The following PXDNL variants were observed in gnomAD, a reference collection of about 807,000 sequenced individuals.
The protein encoded by PXDNL is peroxidasin like.
Under a neutral mutation model 150.8 loss-of-function variants are expected in PXDNL, and 145 were observed. The ratio of observed to expected loss-of-function variants is 0.96; its 90% confidence interval spans 0.84 to 1.10. The LOEUF is 1.10. Among genes scored for constraint, PXDNL ranks in the 50% least tolerant of loss-of-function variants. The pLI is 0.00. For missense variants in PXDNL, 2,087 were observed against 1,873.9 expected (o/e 1.11, Z -2.10); for synonymous variants, 757 against 725.7 (o/e 1.04, Z -0.69).
chr8:51,582,575 T>A (rs1813231706), intron 3 of PXDNL, among the ~76,000 whole-genome samples: 1 of 152,146 alleles, frequency 6.6e-6, no homozygotes, highest in South Asian at 2.1e-4. Context: ...TTATAAGAAA[T>A]CCTACATTAC....
Position 51,721,531 on chromosome 8 carries a change from A to T in PXDNL, c.165-66771T>A, listed in dbSNP as rs545638380. ...AGTTGACTCAATTCTATACCTAATG[A>T]TAAATGACGAGTTAATGGGTGCAGC... is the stretch of plus-strand genomic sequence containing the variant. On this transcript the variant is annotated intron_variant, in intron 1 of 22. Coordinates refer to ENST00000356297, the MANE Select transcript of PXDNL (RefSeq NM_144651.5). 1.2e-3 allele frequency: 213 copies of T among 171,330 alleles called. 1 individual carries two copies. Among genetic ancestry groups the T allele is most frequent in the African/African-American group, 4.9e-3 (204 of 42,014 alleles). 10.6% of individuals were successfully genotyped at this position (171,330 alleles called of 1,614,324 possible).
At chr8:51,454,701 A>G (rs537737514) in intron 9 of PXDNL, among the ~76,000 whole-genome samples, 1 of 152,318 alleles carries the variant, frequency 6.6e-6, no homozygotes, top group South Asian at 2.1e-4. Flanking sequence ...GAAATAAATT[A>G]AATTAATCCA....
intron 20 of PXDNL, among the ~76,000 whole-genome samples, chr8:51,343,491 G>A (rs1255930840): frequency 1.3e-5 from 2 of 152,204 alleles, no homozygotes; most frequent in African/African-American, 2.4e-5. Flanking sequence ...AAGATTGGCA[G>A]GAGGCTAAAA....
At chr8:51,608,110 C>T (rs1036250850) in intron 2 of PXDNL, among the ~76,000 whole-genome samples, 1 of 144,926 alleles carries the variant, frequency 6.9e-6, no homozygotes, top group Non-Finnish European at 1.5e-5. Context: ...AGCAAGCAAG[C>T]CGGGCACGGT....
At chr8:51,734,021 G>A (rs980239272) in intron 1 of PXDNL, among the ~76,000 whole-genome samples, 6 of 151,810 alleles carry the variant, frequency 4.0e-5, no homozygotes, top group African/African-American at 7.3e-5. Flanking sequence ...AGACATCATT[G>A]ACTTAGAGTG....
intron 3 of PXDNL, among the ~76,000 whole-genome samples, chr8:51,558,584 T>C (rs182657000): frequency 5.5e-4 from 84 of 152,166 alleles, no homozygotes; most frequent in African/African-American, 1.9e-3. Flanking sequence ...TAAAATGAAA[T>C]CATAAAATAT....
intron 1 of PXDNL, among the ~76,000 whole-genome samples, chr8:51,757,541 A>G (rs2037115407): frequency 6.6e-6 from 1 of 152,210 alleles, no homozygotes; most frequent in African/African-American, 2.4e-5. Context: ...TAAAAAATAT[A>G]AACTTTCATG....
intron 3 of PXDNL, among the ~76,000 whole-genome samples, chr8:51,560,808 G>A (rs1812701385): frequency 1.3e-5 from 2 of 151,848 alleles, no homozygotes; most frequent in Non-Finnish European, 2.9e-5. Context: ...TAAAAGTTTG[G>A]TATGTCAAAG....
intron 4 of PXDNL, among the ~76,000 whole-genome samples, chr8:51,541,965 T>A (rs1191689381): frequency 6.6e-6 from 1 of 152,212 alleles, no homozygotes; most frequent in Non-Finnish European, 1.5e-5. Context: ...AACTTGTCTC[T>A]GTTTTATAAT....
chr8:51,610,965 G>A (rs1813986002), intron 2 of PXDNL, among the ~76,000 whole-genome samples: 1 of 152,140 alleles, frequency 6.6e-6, no homozygotes, highest in African/African-American at 2.4e-5. Context: ...CATCTTTGCA[G>A]TAGTGTAAGT....
intron 1 of PXDNL, among the ~76,000 whole-genome samples, chr8:51,709,579 T>G (rs967817907): frequency 6.6e-6 from 1 of 152,144 alleles, no homozygotes; most frequent in African/African-American, 2.4e-5. Flanking sequence ...TAAGAATTTA[T>G]TCTAAGAAAC....
intron 5 of PXDNL, among the ~76,000 whole-genome samples, chr8:51,485,336 A>G (rs1001420089): frequency 6.6e-6 from 1 of 152,208 alleles, no homozygotes; most frequent in African/African-American, 2.4e-5. Context: ...GTAGCTAGAA[A>G]AGAAATGATG....
intron 4 of PXDNL, among the ~76,000 whole-genome samples, chr8:51,528,787 A>G (rs58900486): frequency 0.04 from 6,135 of 152,274 alleles, 400 homozygotes; most frequent in African/African-American, 0.14. Flanking sequence ...CACGACTGCC[A>G]GCAACCTCTA....
intron 1 of PXDNL, among the ~76,000 whole-genome samples, chr8:51,733,197 C>A (rs1016011003): frequency 1.3e-5 from 2 of 152,286 alleles, no homozygotes; most frequent in East Asian, 3.9e-4. Flanking sequence ...AAAAGGAAAA[C>A]CCTGTAGTGA....
chr8:51,390,355 G>C (rs1180326905), intron 17 of PXDNL, among the ~76,000 whole-genome samples: 2 of 152,158 alleles, frequency 1.3e-5, no homozygotes, highest in African/African-American at 4.8e-5. Flanking sequence ...GCCCAGGGAA[G>C]TGGAAACTCA....
intron 17 of PXDNL, among the ~76,000 whole-genome samples, chr8:51,382,131 C>T (rs937969638): frequency 6.6e-6 from 1 of 152,038 alleles, no homozygotes; most frequent in African/African-American, 2.4e-5. Flanking sequence ...GCCACCGCTC[C>T]GGGCCATGGT....
At chr8:51,453,449 T>C in intron 10 of PXDNL, 70 bp downstream of exon 10, 1 of 1,478,362 alleles carries the variant, frequency 6.8e-7, no homozygotes, top group Admixed American at 1.7e-5. Flanking sequence ...CATGACATTA[T>C]TTAAGTTGAA....
chr8:51,521,322 A>T (rs1056798834), intron 4 of PXDNL, among the ~76,000 whole-genome samples: 6 of 10,582 alleles, frequency 5.7e-4, no homozygotes, highest in African/African-American at 6.8e-4. Context: ...AGAGAGATGG[A>T]AACTATAAAA....
chr8:51,408,803 GT>G lies in PXDNL; in HGVS notation c.2820del (p.Thr942ProfsTer47). 6.4e-7 allele frequency: 1 copy of G among 1,570,898 alleles called. No individual in the cohort carries two copies. Among genetic ancestry groups the G allele is most frequent in the Non-Finnish European group, 8.6e-7 (1 of 1,159,330 alleles). ...TGCTCCTGTCGCGCGCACTCGGTGG[GT>G]GGGCCTGTAGAAAAGGGCAATAAGG... is the stretch of plus-strand genomic sequence containing the variant. ...GKPLLPFSTG[P>X]PTECARQEQE... On this transcript the variant is annotated frameshift_variant, in exon 17 of 23. Coordinates refer to ENST00000356297, the MANE Select transcript of PXDNL (RefSeq NM_144651.5). LOFTEE classifies it high-confidence loss of function.
Sources: gnomAD v4.1 joint callset for allele counts (sites outside exome capture counted in the v4.1 genomes callset) on GRCh38, gnomAD v4.1.1 for gene constraint, MANE v1.5 for transcripts, NCBI Gene and HGNC (gene_info 2026-07-23, HGNC 2026-07-21) for gene names.